Variants in CARMIL1 observed in about 807,000 individuals in gnomAD.
The protein encoded by CARMIL1 is F-actin-uncapping protein LRRC16A.
A neutral mutation model predicts 177.1 loss-of-function variants in CARMIL1; 90 were observed. The observed-to-expected ratio is 0.51, with a 90% CI of 0.43 to 0.61. The LOEUF is 0.61. Among genes scored for constraint, CARMIL1 ranks in the 20% least tolerant of loss-of-function variants. CARMIL1 has a pLI of 0.00. For missense variants in CARMIL1, 1,380 were observed against 1,667.0 expected (o/e 0.83, Z 3.00); for synonymous variants, 577 against 606.2 (o/e 0.95, Z 0.71).
chr6:25,357,296 G>A (rs954745561), intron 2 of CARMIL1, among the ~76,000 whole-genome samples: 3 of 152,190 alleles, frequency 2.0e-5, no homozygotes, highest in African/African-American at 7.2e-5. Flanking sequence ...ACTCAAAACA[G>A]TTGAAAAGTA....
chr6:25,383,351 A>G (rs1182898138), intron 2 of CARMIL1, among the ~76,000 whole-genome samples: 1 of 152,180 alleles, frequency 6.6e-6, no homozygotes, highest in African/African-American at 2.4e-5. Flanking sequence ...GAAGTGAAAA[A>G]CAAAAATAAT....
At chr6:25,427,209 T>C (rs531552875) in intron 4 of CARMIL1, among the ~76,000 whole-genome samples, 33 of 152,302 alleles carry the variant, frequency 2.2e-4, no homozygotes, top group South Asian at 1.0e-3. Context: ...GGGGTACATG[T>C]GCAGGGTGTG....
rs1233340894 is a variant in CARMIL1, at chr6:25,554,672, A to G, written c.2592+576A>G. 6.6e-6 allele frequency among the ~76,000 whole-genome samples: 1 copy of G among 152,010 alleles called. No homozygotes were observed. Among genetic ancestry groups the G allele is most frequent in the Non-Finnish European group, 1.5e-5 (1 of 68,000 alleles). ...GTGCATATGAAAAAATGTATCAGAA[A>G]CTCAATGTTGCGCAAACTTCAGGAA... On this transcript the variant is annotated intron_variant, in intron 28 of 36. Transcript: ENST00000329474. The surrounding 1 kb of genome is among the most constrained non-coding windows in gnomAD (Gnocchi z 4.6).
At chr6:25,414,469 A>C (rs796707723) in intron 2 of CARMIL1, among the ~76,000 whole-genome samples, 1 of 152,174 alleles carries the variant, frequency 6.6e-6, no homozygotes, top group African/African-American at 2.4e-5. Flanking sequence ...GTCCTGTGCA[A>C]CTGCCCCTGA....
At chr6:25,327,363 T>C (rs946241907) in intron 2 of CARMIL1, among the ~76,000 whole-genome samples, 5 of 152,224 alleles carry the variant, frequency 3.3e-5, no homozygotes, top group African/African-American at 1.2e-4. Flanking sequence ...ATTTGTATGA[T>C]GAAGCGGAGA....
chr6:25,318,709 C>T (rs548982453), intron 2 of CARMIL1, among the ~76,000 whole-genome samples: 3 of 152,226 alleles, frequency 2.0e-5, no homozygotes, highest in African/African-American at 7.2e-5. Flanking sequence ...GGAGACCCCA[C>T]GTGGGAGCTG....
At chr6:25,421,699 A>AC (rs58576744) in intron 3 of CARMIL1, among the ~76,000 whole-genome samples, 7 of 147,734 alleles carry the variant, frequency 4.7e-5, no homozygotes, top group Non-Finnish European at 7.5e-5. Context: ...CAGCCATAAA[A>AC]GTGAGTTCAT....
At chr6:25,618,022 A>G (rs1399207058) in intron 36 of CARMIL1, among the ~76,000 whole-genome samples, 2 of 152,176 alleles carry the variant, frequency 1.3e-5, no homozygotes, top group African/African-American at 4.8e-5. Flanking sequence ...GAAATTACGT[A>G]CTTTTATTAT....
intron 32 of CARMIL1, among the ~76,000 whole-genome samples, chr6:25,596,204 T>G (rs2151296432): frequency 7.4e-6 from 1 of 135,700 alleles, no homozygotes; most frequent in Middle Eastern, 3.9e-3. Context: ...AAGATACTGC[T>G]CAAGGAAGAT....
Position 25,558,809 on chromosome 6 carries a change from G to A in CARMIL1, c.2742+1959G>A, listed in dbSNP as rs978891256. Reference sequence around the variant, plus strand: ...TAGGGTGAGGAGCAGGGCCCTGGGTGTTGAGGGAGTGACAGAGAAACACAA... The same window carrying A: ...TAGGGTGAGGAGCAGGGCCCTGGGTATTGAGGGAGTGACAGAGAAACACAA... On this transcript the variant is annotated intron_variant, in intron 29 of 36. Coordinates refer to ENST00000329474, the MANE Select transcript of CARMIL1 (RefSeq NM_017640.6). The surrounding 1 kb of genome is among the most constrained non-coding windows in gnomAD (Gnocchi z 4.1). Among the ~76,000 whole-genome samples, 1 of 152,138 alleles carries A rather than the reference G, an allele frequency of 6.6e-6. No homozygotes were observed. Among genetic ancestry groups the A allele is most frequent in the Admixed American group, 6.5e-5 (1 of 15,270 alleles).
intron 2 of CARMIL1, among the ~76,000 whole-genome samples, chr6:25,410,004 T>C (rs1332064070): frequency 6.6e-6 from 1 of 152,182 alleles, no homozygotes; most frequent in African/African-American, 2.4e-5. Flanking sequence ...CTTCTTTCCT[T>C]ATTTTTTATT....
At chr6:25,401,783 C>G (rs985749304) in intron 2 of CARMIL1, among the ~76,000 whole-genome samples, 10 of 152,160 alleles carry the variant, frequency 6.6e-5, no homozygotes, top group Non-Finnish European at 8.8e-5. Context: ...CCTCACTAAT[C>G]GATCCTAACT....
intron 2 of CARMIL1, among the ~76,000 whole-genome samples, chr6:25,409,299 C>T (rs922560633): frequency 1.3e-4 from 20 of 152,182 alleles, no homozygotes; most frequent in Non-Finnish European, 2.1e-4. Flanking sequence ...GTAGGTCTCA[C>T]ACCTTTGTCC....
chr6:25,346,570 T>C (rs1041725398), intron 2 of CARMIL1, among the ~76,000 whole-genome samples: 1 of 152,244 alleles, frequency 6.6e-6, no homozygotes, highest in African/African-American at 2.4e-5. Flanking sequence ...TATGTTTTGT[T>C]GATTTATCTT....
intron 3 of CARMIL1, among the ~76,000 whole-genome samples, chr6:25,422,422 T>C (rs1016725599): frequency 6.6e-6 from 1 of 152,230 alleles, no homozygotes; most frequent in Non-Finnish European, 1.5e-5. Flanking sequence ...AAGATGCCAA[T>C]GCAATGTTTG....
intron 31 of CARMIL1, among the ~76,000 whole-genome samples, chr6:25,584,179 T>G (rs114571749): frequency 0.019 from 2,920 of 151,314 alleles, 80 homozygotes; most frequent in African/African-American, 0.061. Context: ...GACTACTGGT[T>G]CATACCACCA....
At chr6:25,459,511 C>A (rs887223147) in intron 8 of CARMIL1, among the ~76,000 whole-genome samples, 5 of 151,840 alleles carry the variant, frequency 3.3e-5, no homozygotes, top group African/African-American at 9.7e-5. Context: ...CTCAGCTTCC[C>A]AAGGTGCTGG....
intron 26 of CARMIL1, among the ~76,000 whole-genome samples, chr6:25,544,418 T>C (rs1396502600): frequency 6.6e-6 from 1 of 152,014 alleles, no homozygotes; most frequent in African/African-American, 2.4e-5. Context: ...AAAAGACCGA[T>C]ATTAACACTG....
At chr6:25,286,418 A>G (rs532324095) in intron 2 of CARMIL1, among the ~76,000 whole-genome samples, 299 of 152,370 alleles carry the variant, frequency 2.0e-3, no homozygotes, top group Non-Finnish European at 3.9e-3. Context: ...TTGCCCAGCA[A>G]CAAAATGTGC....
Sources: allele counts gnomAD v4.1 joint callset (sites outside exome capture counted in the v4.1 genomes callset), GRCh38; gene constraint gnomAD v4.1.1; non-coding constraint Gnocchi (gnomAD v3.1); transcripts MANE v1.5; gene names NCBI Gene and HGNC (gene_info 2026-07-23, HGNC 2026-07-21).